Variants in DSCAML1 observed in about 807,000 individuals in gnomAD.
DSCAML1 encodes the protein DS cell adhesion molecule like 1, also known as cell adhesion molecule DSCAML1.
In DSCAML1, 38 loss-of-function variants were observed where a neutral mutation model predicts 200.5. That is an observed-to-expected ratio of 0.19 (90% CI 0.15 to 0.25). The LOEUF (loss-of-function observed/expected upper bound fraction) is 0.25, where lower values mean the gene tolerates loss of function less well. Ranked by LOEUF, DSCAML1 falls within the 10% of genes least tolerant of loss-of-function variation. The pLI is 1.00. For synonymous variants in DSCAML1, 1,215 were observed against 1,165.0 expected, an observed-to-expected ratio of 1.04 and a Z score of -0.87; for missense variants, 2,223 against 2,858.8, an observed-to-expected ratio of 0.78 and a Z score of 5.07.
Position 117,565,242 on chromosome 11 carries a change from T to G in DSCAML1, c.512-32720A>C, listed in dbSNP as rs1454594949. Among the ~76,000 whole-genome samples, 9 of 152,366 alleles carry G rather than the reference T, an allele frequency of 5.9e-5. No homozygotes were observed. The East Asian group carries it at 1.2e-3, about 20-fold the overall frequency. ...GGGGTACATGTGATAATTTAATACATTCATAAAATTTGTAAAGATCAGATC... is the reference window on the plus strand; with the variant it reads ...GGGGTACATGTGATAATTTAATACAGTCATAAAATTTGTAAAGATCAGATC... On this transcript the variant is annotated intron_variant, in intron 3 of 32. Transcript: ENST00000651296.
intron 3 of DSCAML1, among the ~76,000 whole-genome samples, chr11:117,533,695 C>A (rs571755041): frequency 7.2e-5 from 11 of 152,106 alleles, no homozygotes; most frequent in Non-Finnish European, 1.3e-4. Context: ...CCACACAAGA[C>A]CCCCCACTCC....
At chr11:117,515,320 G>C (rs1179773598) in intron 8 of DSCAML1, among the ~76,000 whole-genome samples, 35 of 152,070 alleles carry the variant, frequency 2.3e-4, no homozygotes. Flanking sequence ...GTCAAGCCTG[G>C]GGGTATCCAC....
intron 3 of DSCAML1, among the ~76,000 whole-genome samples, chr11:117,705,521 G>T (rs1217033733): frequency 1.3e-5 from 2 of 152,116 alleles, no homozygotes; most frequent in Non-Finnish European, 2.9e-5. Context: ...GATAAACAAG[G>T]AGATTTCTTC....
At chr11:117,620,096 A>G (rs1251068452) in intron 3 of DSCAML1, among the ~76,000 whole-genome samples, 1 of 152,172 alleles carries the variant, frequency 6.6e-6, no homozygotes, top group Non-Finnish European at 1.5e-5. Context: ...CTGAGTAAAA[A>G]CAGCCTGGTG....
chr11:117,732,412 C>T (rs990515181), intron 3 of DSCAML1, among the ~76,000 whole-genome samples: 2 of 152,176 alleles, frequency 1.3e-5, no homozygotes, highest in Admixed American at 1.3e-4. Context: ...AGTCTTCTTT[C>T]TTGTTCTGCT....
chr11:117,739,677 A>C (rs2054387237), intron 3 of DSCAML1, among the ~76,000 whole-genome samples: 1 of 152,196 alleles, frequency 6.6e-6, no homozygotes, highest in Non-Finnish European at 1.5e-5. Context: ...TGTACGACTC[A>C]AAGGCAACAG....
At chr11:117,433,346 G>T (rs1592564727) in intron 28 of DSCAML1, 90 bp from the exon 29 acceptor site, 1 of 1,572,796 alleles carries the variant, frequency 6.4e-7, no homozygotes, top group East Asian at 2.2e-5. Context: ...TTAGAAGCCT[G>T]CCTCCTATTC....
chr11:117,636,305 C>T lies in DSCAML1; in HGVS notation c.512-103783G>A, dbSNP rs146725827. Among the ~76,000 whole-genome samples the T allele has an allele frequency of 3.4e-4, 51 of 152,168 alleles. 1 individual carries two copies. Among genetic ancestry groups the T allele is most frequent in the African/African-American group, 8.9e-4 (37 of 41,490 alleles). ...CAAGCATTCCTTTTTAAGAGTGGAG[C>T]GGCAAGTTTCATTATCATATTTTAA... On this transcript the variant is annotated intron_variant, in intron 3 of 32. Transcript: ENST00000651296.
At chr11:117,798,576 A>G (rs569893673), upstream of DSCAML1, among the ~76,000 whole-genome samples, 29 of 152,172 alleles carry the variant, frequency 1.9e-4, 1 homozygote, top group Middle Eastern at 0.02. Flanking sequence ...TCATCATCCC[A>G]AACAGAATCC....
At chr11:117,754,192 A>T (rs2054649072) in intron 3 of DSCAML1, among the ~76,000 whole-genome samples, 1 of 151,820 alleles carries the variant, frequency 6.6e-6, no homozygotes, top group Non-Finnish European at 1.5e-5. Flanking sequence ...AGATGCAGAA[A>T]CTCTTAATTG....
intron 3 of DSCAML1, among the ~76,000 whole-genome samples, chr11:117,752,514 G>A (rs1390323759): frequency 6.6e-6 from 1 of 152,180 alleles, no homozygotes; most frequent in Non-Finnish European, 1.5e-5. Context: ...CCAGGCCAGT[G>A]CACTTTGCAG....
chr11:117,491,921 G>A (rs1256617038), intron 11 of DSCAML1, among the ~76,000 whole-genome samples: 1 of 152,180 alleles, frequency 6.6e-6, no homozygotes, highest in East Asian at 1.9e-4. Flanking sequence ...GATTGGTCTG[G>A]GAGCCAGGGG....
chr11:117,806,662 GAAAT>G (rs2055709361), intron 1 of DSCAML1, among the ~76,000 whole-genome samples: 1 of 152,232 alleles, frequency 6.6e-6, no homozygotes, highest in East Asian at 1.9e-4. Flanking sequence ...GAGACATAGA[GAAAT>G]TAACTAAGTT....
intron 2 of DSCAML1, 114 bp from the exon 3 acceptor site, chr11:117,777,051 C>G (rs991371329): frequency 1.8e-6 from 2 of 1,107,842 alleles, no homozygotes; most frequent in African/African-American, 3.1e-5. Flanking sequence ...CCTCACCTTC[C>G]CACTTCTTCC....
intron 3 of DSCAML1, among the ~76,000 whole-genome samples, chr11:117,586,581 G>A (rs1008191615): frequency 7.2e-5 from 11 of 152,120 alleles, no homozygotes; most frequent in African/African-American, 2.7e-4. Flanking sequence ...TGTTCGACTC[G>A]GCTGGCAGGA....
rs1024407883 is a variant in DSCAML1 at position 117,774,380 on chromosome 11, C to T, written c.511+2411G>A. Among the ~76,000 whole-genome samples the T allele has an allele frequency of 9.2e-5, 14 of 152,334 alleles. No homozygotes were observed. The East Asian group carries it at 2.7e-3, about 29-fold the overall frequency. On this transcript the variant is annotated intron_variant, in intron 3 of 32. Coordinates refer to ENST00000651296, the MANE Select transcript of DSCAML1 (RefSeq NM_020693.4). ...AGCAAACCGCAAGCGCAAATGCTCT[C>T]TTCCACCTAATAATCGCAATAACCT...
At chr11:117,565,953 C>G (rs144184216) in intron 3 of DSCAML1, among the ~76,000 whole-genome samples, 2 of 152,210 alleles carry the variant, frequency 1.3e-5, no homozygotes, top group Non-Finnish European at 2.9e-5. Flanking sequence ...CTGTCTCCCC[C>G]CTCCCTCACT....
chr11:117,809,732 C>CG (rs369256761), intron 1 of DSCAML1, among the ~76,000 whole-genome samples: 79 of 152,290 alleles, frequency 5.2e-4, no homozygotes, highest in African/African-American at 1.6e-3. Flanking sequence ...GCTGAATCGC[C>CG]GCGCAGCGCT....
In DSCAML1 at chr11:117,486,057, G is replaced by A. The variant is rs187842691; in HGVS notation, c.2360-3895C>T. On this transcript the variant is annotated intron_variant, in intron 11 of 32. Transcript: ENST00000651296. ...TAAGGACTACCTCACATGTACAAGT[G>A]GCAGGGAAAAGGGTGTGTGGCTTGA... Among the ~76,000 whole-genome samples, 14 of 152,332 alleles carry A rather than the reference G, an allele frequency of 9.2e-5. No homozygotes were observed. The East Asian group carries it at 1.2e-3, about 13-fold the overall frequency.
Sources: allele counts gnomAD v4.1 joint callset (sites outside exome capture counted in the v4.1 genomes callset), GRCh38; gene constraint gnomAD v4.1.1; transcripts MANE v1.5; gene names NCBI Gene and HGNC (gene_info 2026-07-23, HGNC 2026-07-21).